The following CTNND2 variants were observed in gnomAD, a reference collection of about 807,000 sequenced individuals.
The protein encoded by CTNND2 is catenin delta-2.
In CTNND2, 22 loss-of-function variants were observed where a neutral mutation model predicts 144.4. The observed-to-expected ratio is 0.15, with a 90% CI of 0.11 to 0.22. The LOEUF is 0.22. CTNND2 is among the 10% of genes least tolerant of loss of function. The pLI is 1.00. For missense variants in CTNND2, 1,353 were observed against 1,618.8 expected (o/e 0.84, Z 2.82); for synonymous variants, 751 against 695.6 (o/e 1.08, Z -1.25).
chr5:11,615,641 CAT>C (rs995562957), intron 2 of CTNND2, among the ~76,000 whole-genome samples: 23 of 152,158 alleles, frequency 1.5e-4, no homozygotes, highest in African/African-American at 5.3e-4. Flanking sequence ...CAAAAAATCA[CAT>C]GAGTTGGAGG....
At chr5:11,625,652 C>T (rs1781117560) in intron 2 of CTNND2, among the ~76,000 whole-genome samples, 2 of 151,970 alleles carry the variant, frequency 1.3e-5, no homozygotes, top group African/African-American at 2.4e-5. Flanking sequence ...CTTCAAATAA[C>T]AGTTGGAAAA....
chr5:10,983,299 T>C (rs1232132700), intron 20 of CTNND2, among the ~76,000 whole-genome samples: 1 of 152,212 alleles, frequency 6.6e-6, no homozygotes, highest in Non-Finnish European at 1.5e-5. Context: ...CATAAATTTT[T>C]TTTTAAAAAA....
chr5:11,903,710 C>T lies in CTNND2; in HGVS notation c.37+107G>A. The T allele has an allele frequency of 8.4e-7, 1 of 1,183,910 alleles. No homozygotes were observed. The highest frequency in any genetic ancestry group is 1.8e-5 in the South Asian group (1 of 55,284). The allele number at this position is 1,183,910 out of a possible 1,614,324, so 73.3% of individuals were successfully genotyped here. The stretch of plus-strand genomic sequence containing the variant: ...GAAACCCCGCAGCAGCCGCCGCCGC[C>T]GCCTGCCGGCCGGGAGCCCAGGACC... On this transcript the variant is annotated intron_variant, in intron 1 of 21. Transcript: ENST00000304623. This position sits in a 1 kb window ranked among gnomAD's most constrained non-coding sequence, Gnocchi z 5.4.
intron 3 of CTNND2, among the ~76,000 whole-genome samples, chr5:11,476,145 A>G (rs1767724716): frequency 1.3e-5 from 2 of 151,466 alleles, no homozygotes; most frequent in South Asian, 4.2e-4. Context: ...TGCTGGGATT[A>G]CAGGTATGAA....
Position 11,397,223 on chromosome 5 carries a change from G to A in CTNND2, c.440-20C>T, listed in dbSNP as rs1245910890. 2.5e-6 allele frequency: 4 copies of A among 1,610,518 alleles called. No individual in the cohort carries two copies. On this transcript the variant is annotated intron_variant, in intron 5 of 21. Coordinates refer to ENST00000304623, the MANE Select transcript of CTNND2 (RefSeq NM_001332.4). The stretch of plus-strand genomic sequence containing the variant: ...TGGGCCCTGCATTGAAAGTCATTTA[G>A]AGCAGTCAGTGACAGTCTCAGTGAA...
intron 14 of CTNND2, among the ~76,000 whole-genome samples, chr5:11,100,084 C>T (rs979341103): frequency 2.0e-5 from 3 of 152,148 alleles, no homozygotes; most frequent in Admixed American, 6.5e-5. Context: ...AAAATACATG[C>T]TTACTTTTTA....
intron 8 of CTNND2, among the ~76,000 whole-genome samples, chr5:11,361,600 G>C (rs888863395): frequency 1.3e-5 from 2 of 152,120 alleles, no homozygotes; most frequent in Non-Finnish European, 2.9e-5. Flanking sequence ...TCTGGTGGTT[G>C]GTAAAATACC....
At chr5:11,494,177 C>A (rs1769718655) in intron 3 of CTNND2, among the ~76,000 whole-genome samples, 1 of 152,024 alleles carries the variant, frequency 6.6e-6, no homozygotes, top group South Asian at 2.1e-4. Context: ...GTTTCTAAAC[C>A]TTCTAGTGAA....
At chr5:11,265,792 G>A (rs1048749192) in intron 9 of CTNND2, among the ~76,000 whole-genome samples, 8 of 133,106 alleles carry the variant, frequency 6.0e-5, no homozygotes, top group South Asian at 2.5e-4. Context: ...TGCAACCTCC[G>A]CCTCCCAGGT....
At chr5:11,592,989 G>A (rs747513600) in intron 2 of CTNND2, among the ~76,000 whole-genome samples, 3 of 151,892 alleles carry the variant, frequency 2.0e-5, no homozygotes, top group South Asian at 2.1e-4. Context: ...ACATGACACT[G>A]CAGTGCAGAG....
At chr5:11,422,192 T>C (rs928655600) in intron 3 of CTNND2, among the ~76,000 whole-genome samples, 13 of 151,100 alleles carry the variant, frequency 8.6e-5, no homozygotes, top group South Asian at 2.1e-4. Flanking sequence ...AGTTACAGGC[T>C]CTGTAGAATT....
intron 3 of CTNND2, among the ~76,000 whole-genome samples, chr5:11,488,361 G>C (rs1377879068): frequency 6.6e-6 from 1 of 152,134 alleles, no homozygotes; most frequent in South Asian, 2.1e-4. Context: ...GTCATATCTC[G>C]CTACTTCTCT....
chr5:11,023,080 G>T, intron 16 of CTNND2, 101 bp from the exon 17 acceptor site: 4 of 987,432 alleles, frequency 4.1e-6, no homozygotes, highest in African/African-American at 1.6e-5. Flanking sequence ...GAGAGGCCAC[G>T]TTTATGCAAA....
chr5:11,248,948 T>C (rs1048299900), intron 9 of CTNND2, among the ~76,000 whole-genome samples: 11 of 152,232 alleles, frequency 7.2e-5, no homozygotes, highest in African/African-American at 2.2e-4. Flanking sequence ...TCAGATAATA[T>C]TGAGCAGAGA....
intron 3 of CTNND2, among the ~76,000 whole-genome samples, chr5:11,544,960 A>C (rs1207832037): frequency 6.6e-6 from 1 of 151,944 alleles, no homozygotes; most frequent in Admixed American, 6.6e-5. Context: ...CTACTAAAAA[A>C]GTTACAAAAA....
intron 10 of CTNND2, among the ~76,000 whole-genome samples, chr5:11,231,510 T>C (rs576249136): frequency 6.6e-6 from 1 of 152,150 alleles, no homozygotes; most frequent in Non-Finnish European, 1.5e-5. Context: ...CAAAGATGAC[T>C]CTTGCTATGC....
At chr5:11,460,806 C>T (rs1191591318) in intron 3 of CTNND2, among the ~76,000 whole-genome samples, 1 of 152,118 alleles carries the variant, frequency 6.6e-6, no homozygotes, top group African/African-American at 2.4e-5. Flanking sequence ...AATCTCAGCA[C>T]TTTGGGAGGC....
At chr5:11,740,580 A>G (rs942097092) in intron 1 of CTNND2, among the ~76,000 whole-genome samples, 1 of 152,250 alleles carries the variant, frequency 6.6e-6, no homozygotes, top group Non-Finnish European at 1.5e-5. Context: ...CTAAAACCAT[A>G]AAAACCCTAG....
chr5:11,155,583 G>A (rs992858232), intron 12 of CTNND2, among the ~76,000 whole-genome samples: 5 of 152,214 alleles, frequency 3.3e-5, no homozygotes, highest in African/African-American at 9.6e-5. Context: ...GAGGCAGAGC[G>A]TAGAAATGAA....
Sources: gnomAD v4.1 joint callset for allele counts (sites outside exome capture counted in the v4.1 genomes callset) on GRCh38, gnomAD v4.1.1 for gene constraint, Gnocchi (gnomAD v3.1) non-coding constraint, MANE v1.5 for transcripts, NCBI Gene and HGNC (gene_info 2026-07-23, HGNC 2026-07-21) for gene names.